The following CAMTA1 variants were observed in gnomAD, a reference collection of about 807,000 sequenced individuals.
The protein encoded by CAMTA1 is calmodulin-binding transcription activator 1.
A neutral mutation model predicts 170.9 loss-of-function variants in CAMTA1; 27 were observed. The ratio of observed to expected loss-of-function variants is 0.16; its 90% CI spans 0.12 to 0.22. The LOEUF is 0.22. Among genes scored for constraint, CAMTA1 ranks in the 10% least tolerant of loss-of-function variants. The probability of loss-of-function intolerance (pLI) is 1.00; values close to 1 mark genes in which losing one functional copy is unlikely to be tolerated. For missense variants in CAMTA1, 1,619 were observed against 2,217.2 expected, an observed-to-expected ratio of 0.73 and a Z score of 5.42; for synonymous variants, 833 against 891.5, an observed-to-expected ratio of 0.93 and a Z score of 1.17.
chr1:7,071,621 C>T (rs981773279), intron 3 of CAMTA1, among the ~76,000 whole-genome samples: 1 of 152,086 alleles, frequency 6.6e-6, no homozygotes, highest in African/African-American at 2.4e-5. Flanking sequence ...AAAAATGGAC[C>T]GATTTACGCA....
At chr1:7,090,444 C>G (rs1641326022) in intron 3 of CAMTA1, among the ~76,000 whole-genome samples, 1 of 152,168 alleles carries the variant, frequency 6.6e-6, no homozygotes, top group South Asian at 2.1e-4. Flanking sequence ...TCACCAAGAT[C>G]AAGGGAGACA....
intron 6 of CAMTA1, among the ~76,000 whole-genome samples, chr1:7,473,403 C>T (rs892103549): frequency 1.3e-5 from 2 of 152,196 alleles, no homozygotes; most frequent in East Asian, 1.9e-4. Flanking sequence ...AGCCCAGGCT[C>T]GGGGCTCCCC....
chr1:7,569,275 A>AT (rs2095093888), intron 6 of CAMTA1, among the ~76,000 whole-genome samples: 2 of 148,082 alleles, frequency 1.4e-5, no homozygotes, highest in Admixed American at 6.7e-5. Context: ...CATCATCATC[A>AT]CATCACCATC....
intron 4 of CAMTA1, among the ~76,000 whole-genome samples, chr1:7,112,563 TC>T (rs1366582108): frequency 1.3e-5 from 2 of 152,162 alleles, no homozygotes; most frequent in African/African-American, 2.4e-5. Context: ...AGGGTCTAGC[TC>T]CCCACTCTGA....
intron 3 of CAMTA1, among the ~76,000 whole-genome samples, chr1:6,832,087 TTA>T: frequency 6.6e-6 from 1 of 152,132 alleles, no homozygotes; most frequent in South Asian, 2.1e-4. Context: ...TTATTTTTTT[TTA>T]TTTTTTTTTT....
intron 7 of CAMTA1, among the ~76,000 whole-genome samples, chr1:7,646,178 G>A (rs1296659288): frequency 6.7e-6 from 1 of 149,988 alleles, no homozygotes; most frequent in Non-Finnish European, 1.5e-5. Context: ...GGAGGCCATG[G>A]TGACTGTGAG....
intron 11 of CAMTA1, among the ~76,000 whole-genome samples, chr1:7,704,468 G>A (rs1311186346): frequency 6.8e-6 from 1 of 146,018 alleles, no homozygotes. Flanking sequence ...CGGGGGCCCG[G>A]CTCTCGCGCG....
chr1:7,254,787 C>T (rs1667114482), intron 5 of CAMTA1, among the ~76,000 whole-genome samples: 1 of 152,238 alleles, frequency 6.6e-6, no homozygotes, highest in Non-Finnish European at 1.5e-5. Flanking sequence ...GCTCCGCTTG[C>T]AGCCATAAGA....
chr1:6,826,686 C>T (rs1647157807), intron 3 of CAMTA1, among the ~76,000 whole-genome samples: 1 of 152,052 alleles, frequency 6.6e-6, no homozygotes, highest in African/African-American at 2.4e-5. Context: ...ATTATATTTC[C>T]TGTGGAATTG....
chr1:6,793,044 T>C (rs1641572375), intron 1 of CAMTA1, among the ~76,000 whole-genome samples: 1 of 151,956 alleles, frequency 6.6e-6, no homozygotes, highest in Non-Finnish European at 1.5e-5. Flanking sequence ...TATACCCCAC[T>C]CTTATATATA....
rs1162079289 is a variant in CAMTA1, at chr1:7,195,880, A to G, written c.303-53611A>G. On this transcript the variant is annotated intron_variant, in intron 4 of 22. Transcript: ENST00000303635. This position sits in a 1 kb window ranked among gnomAD's most constrained non-coding sequence, Gnocchi z 4.1. ...CTAAGAATACAAAAATTAGCCAGGC[A>G]TGGTGGCACATGCCTGTAGTCCCAG... Among the ~76,000 whole-genome samples, 1 of 152,182 alleles carries G rather than the reference A, an allele frequency of 6.6e-6. No homozygotes were observed. Among genetic ancestry groups the G allele is most frequent in the Non-Finnish European group, 1.5e-5 (1 of 68,026 alleles).
chr1:6,893,499 A>T (rs376532633), intron 3 of CAMTA1, among the ~76,000 whole-genome samples: 9 of 152,380 alleles, frequency 5.9e-5, no homozygotes, highest in Non-Finnish European at 1.0e-4. Context: ...CAGATGAGAC[A>T]GTCTGGCTGG....
Position 7,680,872 on chromosome 1 carries a change from A to AGCAGCTGCAGCAGCTGCT in CAMTA1, c.2914+3144_2914+3145insTGCAGCAGCTGCTGCAGC, listed in dbSNP as rs1553247155. On this transcript the variant is annotated intron_variant, in intron 11 of 22. Coordinates refer to ENST00000303635, the MANE Select transcript of CAMTA1 (RefSeq NM_015215.4). This position sits in a 1 kb window ranked among gnomAD's most constrained non-coding sequence, Gnocchi z 4.4. ...CGCGCGCGCGCGCGCCAGCAGCAGCAGCAGCAGCAGCTGCTGCGGCGAAGT... is the reference window on the plus strand; with the variant it reads ...CGCGCGCGCGCGCGCCAGCAGCAGCAGCAGCTGCAGCAGCTGCTGCAGCAGCAGCTGCTGCGGCGAAGT... Among the ~76,000 whole-genome samples the AGCAGCTGCAGCAGCTGCT allele has an allele frequency of 3.4e-5, 5 of 146,262 alleles. No individual in the cohort carries two copies. Among genetic ancestry groups the AGCAGCTGCAGCAGCTGCT allele is most frequent in the Non-Finnish European group, 7.6e-5 (5 of 65,774 alleles).
Position 7,445,061 on chromosome 1 carries a change from G to A in CAMTA1, c.439-22769G>A, listed in dbSNP as rs2092644774. Among the ~76,000 whole-genome samples, 11 of 151,720 alleles carry A rather than the reference G, an allele frequency of 7.3e-5. 1 individual carries two copies. The South Asian group carries it at 2.1e-3, about 29-fold the overall frequency. On this transcript the variant is annotated intron_variant, in intron 5 of 22. Coordinates refer to ENST00000303635, the MANE Select transcript of CAMTA1 (RefSeq NM_015215.4). Reference sequence around the variant, plus strand: ...TAGCACGGGGTAGGAGGTGGGGGATGGGGTGGGGGTTACCTCTGTGCCTCA... The same window carrying A: ...TAGCACGGGGTAGGAGGTGGGGGATAGGGTGGGGGTTACCTCTGTGCCTCA...
At chr1:6,903,871 C>T (rs1441340980) in intron 3 of CAMTA1, among the ~76,000 whole-genome samples, 2 of 152,214 alleles carry the variant, frequency 1.3e-5, no homozygotes, top group African/African-American at 4.8e-5. Flanking sequence ...GCTCCAGTTT[C>T]CTGTGGACAT....
At chr1:7,432,442 G>A (rs530841805) in intron 5 of CAMTA1, among the ~76,000 whole-genome samples, 2 of 152,354 alleles carry the variant, frequency 1.3e-5, no homozygotes, top group African/African-American at 2.4e-5. Flanking sequence ...AATGGGAGGA[G>A]CATGTTCCGG....
At chr1:6,868,487 G>T (rs1351116980) in intron 3 of CAMTA1, among the ~76,000 whole-genome samples, 1 of 151,894 alleles carries the variant, frequency 6.6e-6, no homozygotes, top group Non-Finnish European at 1.5e-5. Flanking sequence ...GTTCTTCCAT[G>T]TATTTTGTTT....
At chr1:7,126,177 C>T (rs547793730) in intron 4 of CAMTA1, among the ~76,000 whole-genome samples, 2 of 152,288 alleles carry the variant, frequency 1.3e-5, no homozygotes, top group African/African-American at 4.8e-5. Context: ...CACTGGGTCC[C>T]TCCCACAACA....
At chr1:7,704,804 C>CGGGCCGGGCG (rs918754637) in intron 11 of CAMTA1, among the ~76,000 whole-genome samples, 56 of 143,352 alleles carry the variant, frequency 3.9e-4, no homozygotes, top group Admixed American at 8.1e-4. Context: ...CGGGCTGGGC[C>CGGGCCGGGCG]GGGCCGGGCG....
Sources: gnomAD v4.1 joint callset for allele counts (sites outside exome capture counted in the v4.1 genomes callset) on GRCh38, gnomAD v4.1.1 for gene constraint, Gnocchi (gnomAD v3.1) non-coding constraint, MANE v1.5 for transcripts, NCBI Gene and HGNC (gene_info 2026-07-23, HGNC 2026-07-21) for gene names.